The following SLC2A9 variants were observed in gnomAD, a reference collection of about 807,000 sequenced individuals.
SLC2A9 encodes solute carrier family 2 member 9.
A neutral mutation model predicts 50.6 loss-of-function variants in SLC2A9; 39 were observed. That is an observed-to-expected ratio of 0.77 (90% CI 0.60 to 1.01). The LOEUF (loss-of-function observed/expected upper bound fraction) is 1.01. Among genes scored for constraint, SLC2A9 ranks in the 50% least tolerant of loss-of-function variants. The probability of loss-of-function intolerance (pLI) is 0.00; values close to 1 mark genes in which losing one functional copy is unlikely to be tolerated. For missense variants in SLC2A9, 686 were observed against 677.6 expected, an observed-to-expected ratio of 1.01 and a Z score of -0.14; for synonymous variants, 324 against 276.9, an observed-to-expected ratio of 1.17 and a Z score of -1.69.
intron 3 of SLC2A9, among the ~76,000 whole-genome samples, chr4:9,800,055 T>G (rs1240294667): frequency 6.6e-6 from 1 of 152,094 alleles, no homozygotes; most frequent in African/African-American, 2.4e-5. Context: ...CAGAAAAGAA[T>G]TGGCTAAATT....
chr4:9,813,777 G>GATTCTA (rs2109004512), intron 3 of SLC2A9, among the ~76,000 whole-genome samples: 1 of 152,158 alleles, frequency 6.6e-6, no homozygotes, highest in South Asian at 2.1e-4. Context: ...GAATTCTAGA[G>GATTCTA]GCAAGGGTGC....
At chr4:9,981,696 T>C (rs1463641126) in intron 4 of SLC2A9, among the ~76,000 whole-genome samples, 1 of 152,194 alleles carries the variant, frequency 6.6e-6, no homozygotes, top group Non-Finnish European at 1.5e-5. Context: ...GCAGATGCTA[T>C]TATACTCATT....
intron 3 of SLC2A9, among the ~76,000 whole-genome samples, chr4:9,802,554 CTTTTCTT>C (rs1721576314): frequency 8.2e-6 from 1 of 121,802 alleles, no homozygotes; most frequent in Admixed American, 8.5e-5. Flanking sequence ...TTTTTTTGTT[CTTTTCTT>C]TTTTTTTTTT....
chr4:9,905,060 A>G (rs1740386461), intron 8 of SLC2A9, among the ~76,000 whole-genome samples: 1 of 152,168 alleles, frequency 6.6e-6, no homozygotes, highest in African/African-American at 2.4e-5. Flanking sequence ...TCAGTGTTGC[A>G]TGTGGTAATT....
chr4:9,962,096 C>T (rs534291353), intron 5 of SLC2A9, among the ~76,000 whole-genome samples: 48 of 152,166 alleles, frequency 3.2e-4, no homozygotes, highest in Non-Finnish European at 5.9e-4. Flanking sequence ...TGGAGAGATA[C>T]GAATGCTTTT....
downstream of SLC2A9, among the ~76,000 whole-genome samples, chr4:9,776,575 G>A (rs1037478596): frequency 1.3e-5 from 2 of 152,042 alleles, no homozygotes; most frequent in African/African-American, 4.8e-5. Context: ...GGCAGCACCT[G>A]CTGTCATTGG....
chr4:9,828,916 G>T (rs59574200), intron 11 of SLC2A9, among the ~76,000 whole-genome samples: 1 of 151,994 alleles, frequency 6.6e-6, no homozygotes, highest in South Asian at 2.1e-4. Context: ...TACAGTAGAT[G>T]CTCTGAGTAT....
intron 2 of SLC2A9, among the ~76,000 whole-genome samples, chr4:10,008,260 G>T (rs950603256): frequency 6.6e-6 from 1 of 152,342 alleles, no homozygotes; most frequent in South Asian, 2.1e-4. Flanking sequence ...AGGCTGTCCA[G>T]CTCTAATCGC....
chr4:9,986,273 C>A (rs1756700217), intron 3 of SLC2A9, among the ~76,000 whole-genome samples: 1 of 152,114 alleles, frequency 6.6e-6, no homozygotes, highest in South Asian at 2.1e-4. Flanking sequence ...GGAGGAGGGC[C>A]CCGAAGACCT....
intron 2 of SLC2A9, among the ~76,000 whole-genome samples, chr4:10,015,763 G>A (rs11736479): frequency 6.6e-6 from 1 of 152,062 alleles, no homozygotes; most frequent in Non-Finnish European, 1.5e-5. Flanking sequence ...TGGATTTCCA[G>A]GTTGGAGAAG....
chr4:9,803,229 G>A (rs542431427), intron 3 of SLC2A9, among the ~76,000 whole-genome samples: 1 of 152,368 alleles, frequency 6.6e-6, no homozygotes, highest in South Asian at 2.1e-4. Context: ...TTAAATGTGA[G>A]TTCAAGGGAA....
chr4:10,028,112 C>T (rs1213051962), intron 1 of SLC2A9, among the ~76,000 whole-genome samples: 2 of 152,188 alleles, frequency 1.3e-5, no homozygotes. Flanking sequence ...AGGAACCCAG[C>T]TGCCCAAGCA....
At chr4:9,898,113 T>C (rs973856086) in intron 8 of SLC2A9, among the ~76,000 whole-genome samples, 6 of 152,184 alleles carry the variant, frequency 3.9e-5, no homozygotes, top group Admixed American at 3.3e-4. Flanking sequence ...CCTTGAGAAC[T>C]GTGATACAAT....
In SLC2A9 at chr4:9,892,774, C is replaced by G. The variant is rs541827853; in HGVS notation, c.1114-2063G>C. Among the ~76,000 whole-genome samples, 6 of 152,216 alleles carry G rather than the reference C, an allele frequency of 3.9e-5. No homozygotes were observed. The East Asian group carries it at 1.2e-3, about 29-fold the overall frequency. On this transcript the variant is annotated intron_variant, in intron 8 of 11. Coordinates refer to ENST00000264784, the MANE Select transcript of SLC2A9 (RefSeq NM_020041.3). ...CTGGGGATCTGGTCCCAACTCTTAC[C>G]CGTAGCTGGCTGTGTGGCCTTGAAC...
intron 5 of SLC2A9, among the ~76,000 whole-genome samples, chr4:9,968,504 T>C (rs1753393116): frequency 6.6e-6 from 1 of 152,208 alleles, no homozygotes; most frequent in African/African-American, 2.4e-5. Flanking sequence ...GCAATGTTTC[T>C]TTTTTTCCAG....
chr4:9,969,185 C>T (rs1219688602), intron 5 of SLC2A9, among the ~76,000 whole-genome samples: 1 of 151,970 alleles, frequency 6.6e-6, no homozygotes, highest in Non-Finnish European at 1.5e-5. Context: ...ATATCAAATG[C>T]TAAGTGATAC....
At chr4:9,860,626 C>T (rs773459399) in intron 10 of SLC2A9, among the ~76,000 whole-genome samples, 1 of 152,220 alleles carries the variant, frequency 6.6e-6, no homozygotes. Flanking sequence ...CTTTCAGGGC[C>T]CCACCTTTCC....
At chr4:9,775,414 C>T (rs1190955033), downstream of SLC2A9, among the ~76,000 whole-genome samples, 1 of 152,168 alleles carries the variant, frequency 6.6e-6, no homozygotes, top group African/African-American at 2.4e-5. Flanking sequence ...GAAAGGGGAC[C>T]TGGAAACCAG....
intron 5 of SLC2A9, among the ~76,000 whole-genome samples, chr4:9,962,860 ACT>A (rs1271183325): frequency 1.3e-5 from 2 of 151,326 alleles, no homozygotes; most frequent in African/African-American, 2.4e-5. Flanking sequence ...TTATTAAATC[ACT>A]CTCAGTTTCT....
Sources: gnomAD v4.1 joint callset for allele counts (sites outside exome capture counted in the v4.1 genomes callset) on GRCh38, gnomAD v4.1.1 for gene constraint, MANE v1.5 for transcripts, NCBI Gene and HGNC (gene_info 2026-07-23, HGNC 2026-07-21) for gene names.